Variants in RPL10 observed in about 807,000 individuals in gnomAD.
RPL10 encodes the protein large ribosomal subunit protein uL16.
A neutral mutation model predicts 15.7 loss-of-function variants in RPL10; 1 was observed. That is an observed-to-expected ratio of 0.06 (90% confidence interval 0.02 to 0.30). The LOEUF is 0.30. Among genes scored for constraint, RPL10 ranks in the 10% least tolerant of loss-of-function variants. The probability of loss-of-function intolerance (pLI) is 1.00; values close to 1 mark genes in which losing one functional copy is unlikely to be tolerated. For synonymous variants in RPL10, 59 were observed against 64.0 expected (o/e 0.92, Z 0.37); for missense variants, 54 against 183.4 (o/e 0.29, Z 4.08).
rs868930453 is a variant in RPL10 at position 154,401,801 on chromosome X, G to A, written c.*947G>A. Reference sequence around the variant, plus strand: ...TTATTTTATTTTGCCAAACATACCTGGGAATACCTTTTATTTTTTTTTTAC... The same window carrying A: ...TTATTTTATTTTGCCAAACATACCTAGGAATACCTTTTATTTTTTTTTTAC... On this transcript the variant is annotated 3_prime_UTR_variant, in exon 7 of 7. Transcript: ENST00000369817. 1 of 103,116 alleles carries A rather than the reference G, an allele frequency of 9.7e-6. No homozygotes were observed. The highest frequency in any genetic ancestry group is 1.9e-5 in the Non-Finnish European group (1 of 53,067). The allele number at this position is 103,116 out of a possible 1,213,427, so 8.5% of individuals were successfully genotyped here. A position where few individuals can be genotyped will look rare whatever the true frequency, so the allele number is the denominator to read the frequency against.
At chrX:154,400,213 C>G in intron 5 of RPL10, 1 of 560,423 alleles carries the variant, frequency 1.8e-6, no homozygotes, top group East Asian at 3.3e-5. Flanking sequence ...TGACAACCAT[C>G]TTGCCAGCAG....
In RPL10 at chrX:154,401,345, TCCA is replaced by T. The variant is rs782181852; in HGVS notation, c.*492_*494del. ...GGCCATTCCTCCTTGGTGGGAATCA[TCCA>T]GGTACTGCTGAGGTCACCTGCGATT... On this transcript the variant is annotated 3_prime_UTR_variant, in exon 7 of 7. Coordinates refer to ENST00000369817, the MANE Select transcript of RPL10 (RefSeq NM_006013.5). 3.0e-4 allele frequency: 53 copies of T among 179,201 alleles called. No homozygotes were observed. The South Asian group carries it at 4.6e-3, about 15-fold the overall frequency. 14.8% of individuals were successfully genotyped at this position (179,201 alleles called of 1,213,427 possible).
At position 154,400,459 on chromosome X, in the gene RPL10, T is replaced by C; in HGVS notation, c.330-5T>C. ...TGTTTCTGACCTTGCACTACCCCAA[T>C]GTAGGCTCCAAACAGGCATGCGAGG... On this transcript the variant is annotated splice_region_variant and splice_polypyrimidine_tract_variant and intron_variant, in intron 5 of 6. Transcript: ENST00000369817. The C allele has an allele frequency of 8.3e-7, 1 of 1,199,794 alleles. No homozygotes were observed.
intron 2 of RPL10, chrX:154,398,810 G>T: frequency 2.4e-6 from 1 of 424,073 alleles, no homozygotes; most frequent in Non-Finnish European, 4.2e-6. Context: ...CGCTAGATAC[G>T]CTCTTGGGGC....
In RPL10 at chrX:154,401,540, A is replaced by T. The variant is rs901265826; in HGVS notation, c.*686A>T. On this transcript the variant is annotated 3_prime_UTR_variant, in exon 7 of 7. Coordinates refer to ENST00000369817, the MANE Select transcript of RPL10 (RefSeq NM_006013.5). Reference sequence around the variant, plus strand: ...GTGTGTGGCATGGTTTGGCCTGGGGATCTTAGATGTCTGACCTGAACTATT... The same window carrying T: ...GTGTGTGGCATGGTTTGGCCTGGGGTTCTTAGATGTCTGACCTGAACTATT... 1 of 116,973 alleles carries T rather than the reference A, an allele frequency of 8.5e-6. No homozygotes were observed. Among genetic ancestry groups the T allele is most frequent in the Admixed American group, 8.5e-5 (1 of 11,745 alleles). 9.6% of individuals were successfully genotyped at this position (116,973 alleles called of 1,213,427 possible).
At chrX:154,399,656 C>A in intron 4 of RPL10, 62 bp downstream of exon 4, 1 of 1,150,328 alleles carries the variant, frequency 8.7e-7, no homozygotes, top group South Asian at 1.8e-5. Flanking sequence ...TCAACCCCAC[C>A]CACATACACT....
upstream of RPL10, chrX:154,398,201 C>A (rs782150983): frequency 6.6e-6 from 3 of 453,372 alleles, no homozygotes; most frequent in East Asian, 1.3e-4. Flanking sequence ...CCCTGGTACC[C>A]GGTCACCTCT....
chrX:154,398,235 A>C, upstream of RPL10: 1 of 486,708 alleles, frequency 2.1e-6, no homozygotes, highest in Non-Finnish European at 3.7e-6. Context: ...GTGCTGGGCT[A>C]CGCCCGGGCG....
At chrX:154,399,692 C>T in intron 4 of RPL10, 98 bp downstream of exon 4, 1 of 1,165,768 alleles carries the variant, frequency 8.6e-7, no homozygotes. Context: ...GTTGATGAAA[C>T]ATGAGCCTTA....
Position 154,400,911 on chromosome X carries a change from C to T in RPL10, c.*57C>T, listed in dbSNP as rs1353234109. The T allele has an allele frequency of 8.3e-7, 1 of 1,208,059 alleles. No individual in the cohort carries two copies. The highest frequency in any genetic ancestry group is 1.1e-6 in the Non-Finnish European group (1 of 893,565). On this transcript the variant is annotated 3_prime_UTR_variant, in exon 7 of 7. Coordinates refer to ENST00000369817, the MANE Select transcript of RPL10 (RefSeq NM_006013.5). ...CTCACCAATAAATTCTACTTCCTGT[C>T]CACCTATGTCTTTGTATCTACATTC...
At position 154,399,976 on chromosome X, in the gene RPL10, GTC is replaced by G. The variant is rs782321654; in HGVS notation, c.329+39_329+40del. The G allele has an allele frequency of 3.1e-5, 37 of 1,203,898 alleles. No individual in the cohort carries two copies. The East Asian group carries it at 7.1e-4, about 23-fold the overall frequency. Reference sequence around the variant, plus strand: ...GTCTGGGCCTTTTAAGGCAGTTGGAGTCTCTACATTATTAGGCTTGCATTATT... The same window carrying G: ...GTCTGGGCCTTTTAAGGCAGTTGGAGTCTACATTATTAGGCTTGCATTATT... On this transcript the variant is annotated intron_variant, in intron 5 of 6. Transcript: ENST00000369817.
At chrX:154,398,219 G>A, upstream of RPL10, 1 of 479,555 alleles carries the variant, frequency 2.1e-6, no homozygotes, top group Non-Finnish European at 3.8e-6. Flanking sequence ...TCTCTGATCT[G>A]CGCATGTGCT....
At chrX:154,400,015 T>C (rs1298700045) in intron 5 of RPL10, 74 bp downstream of exon 5, 14 of 1,154,705 alleles carry the variant, frequency 1.2e-5, no homozygotes, top group Admixed American at 4.5e-5. Flanking sequence ...TATCAGAGCA[T>C]AGAGGTGGCC....
chrX:154,398,306 C>T (rs186622975), upstream of RPL10: 1 of 556,108 alleles, frequency 1.8e-6, no homozygotes. Context: ...CACCCGTCTT[C>T]GACAGGACTC....
intron 1 of RPL10, 51 bp downstream of exon 1, chrX:154,398,445 C>T (rs1426466236): frequency 7.7e-6 from 9 of 1,164,616 alleles, no homozygotes; most frequent in Non-Finnish European, 1.1e-5. Flanking sequence ...GGTTCTCACA[C>T]CTTTTAGGTC....
intron 4 of RPL10, 75 bp from the exon 5 acceptor site, chrX:154,399,726 CCT>C: frequency 8.5e-7 from 1 of 1,182,076 alleles, no homozygotes; most frequent in South Asian, 1.8e-5. Context: ...ACACAGTTCC[CCT>C]GAGCTGGAGA....
chrX:154,399,759 CTAT>C (rs1240578540), intron 4 of RPL10, 41 bp from the exon 5 acceptor site: 12 of 1,206,136 alleles, frequency 9.9e-6, no homozygotes, highest in Non-Finnish European at 1.3e-5. Context: ...GAATGTTTCT[CTAT>C]TATCTTCTCT....
At position 154,401,121 on chromosome X, in the gene RPL10, G is replaced by T; in HGVS notation, c.*267G>T. On this transcript the variant is annotated 3_prime_UTR_variant, in exon 7 of 7. Transcript: ENST00000369817. ...CTCCCCAGGTCCTAGGCAGTAGGTT[G>T]AAAAACACTGAAGTGCTTTTCATGA... 1 of 650,486 alleles carries T rather than the reference G, an allele frequency of 1.5e-6. No individual in the cohort carries two copies. Among genetic ancestry groups the T allele is most frequent in the Non-Finnish European group, 2.2e-6 (1 of 454,823 alleles). 53.6% of individuals were successfully genotyped at this position (650,486 alleles called of 1,213,427 possible). A position where few individuals can be genotyped will look rare whatever the true frequency, so the allele number is the denominator to read the frequency against.
chrX:154,400,678 T>A, intron 6 of RPL10, 24 bp from the exon 7 acceptor site: 1 of 1,211,152 alleles, frequency 8.3e-7, no homozygotes, highest in Non-Finnish European at 1.1e-6. Context: ...GCCTCCTGAC[T>A]CAGTTCTTTC....
Sources: allele counts gnomAD v4.1 joint callset, GRCh38; gene constraint gnomAD v4.1.1; transcripts MANE v1.5; gene names NCBI Gene and HGNC (gene_info 2026-07-23, HGNC 2026-07-21).